TOMM40L: variants seen among roughly 807,000 people sequenced by gnomAD.
TOMM40L encodes the protein translocase of outer mitochondrial membrane 40 like, also known as mitochondrial import receptor subunit TOM40B.
TOMM40L carries 17 observed loss-of-function variants against 38.3 expected under a neutral mutation model. The observed-to-expected ratio is 0.44, with a 90% CI of 0.30 to 0.67. TOMM40L has a LOEUF of 0.67. Among genes scored for constraint, TOMM40L ranks in the 30% least tolerant of loss-of-function variants. TOMM40L has a pLI of 0.08. For synonymous variants in TOMM40L, 151 were observed against 150.2 expected (o/e 1.01, Z -0.04); for missense variants, 294 against 390.0 (o/e 0.75, Z 2.07).
chr1:161,229,917 A>G lies in TOMM40L; in HGVS notation c.*822A>G, dbSNP rs1295404457. The G allele has an allele frequency of 1.9e-6, 3 of 1,614,070 alleles. No individual in the cohort carries two copies. The highest frequency in any genetic ancestry group is 1.7e-5 in the Admixed American group (1 of 60,006). On this transcript the variant is annotated 3_prime_UTR_variant, in exon 10 of 10. Coordinates refer to ENST00000367988, the MANE Select transcript of TOMM40L (RefSeq NM_032174.6). The stretch of plus-strand genomic sequence containing the variant: ...CAGCCAGCAGGCCTAGCAACTTCGC[A>G]TACAGAAACCTTTGGAGGAAGTAGT...
At chr1:161,226,680 G>C in intron 2 of TOMM40L, 76 bp downstream of exon 2, 1 of 1,467,042 alleles carries the variant, frequency 6.8e-7, no homozygotes. Flanking sequence ...GATGTCCGGC[G>C]ATGGGAGCAG....
intron 2 of TOMM40L, 75 bp downstream of exon 2, chr1:161,226,679 C>A: frequency 6.8e-7 from 1 of 1,476,982 alleles, no homozygotes. Context: ...GGATGTCCGG[C>A]GATGGGAGCA....
Position 161,228,952 on chromosome 1 carries a change from A to G in TOMM40L, c.788-4A>G. 1.2e-6 allele frequency: 2 copies of G among 1,614,166 alleles called. No individual in the cohort carries two copies. Among genetic ancestry groups the G allele is most frequent in the East Asian group, 2.2e-5 (1 of 44,890 alleles). On this transcript the variant is annotated splice_region_variant and splice_polypyrimidine_tract_variant and intron_variant, in intron 9 of 9. Transcript: ENST00000367988. ...AATCTAGTGGGTATTCTCTCCCCCA[A>G]CAGGCTTGGTGGATAGTAACTGGTG...
intron 4 of TOMM40L, 44 bp downstream of exon 4, chr1:161,227,394 T>G (rs1455253935): frequency 4.4e-6 from 7 of 1,575,276 alleles, no homozygotes; most frequent in Admixed American, 3.4e-5. Context: ...AAAACCAATC[T>G]GGGACCCAGG....
intron 6 of TOMM40L, 93 bp from the exon 7 acceptor site, chr1:161,228,093 T>G: frequency 6.3e-7 from 1 of 1,588,008 alleles, no homozygotes. Context: ...AAGGAACTTC[T>G]TGGGCAGGCT....
intron 4 of TOMM40L, 56 bp downstream of exon 4, chr1:161,227,406 C>G: frequency 1.3e-6 from 2 of 1,528,304 alleles, no homozygotes; most frequent in Non-Finnish European, 1.8e-6. Flanking sequence ...GGACCCAGGT[C>G]TGGAGGAAGA....
Position 161,227,299 on chromosome 1 carries a change from A to G in TOMM40L, c.225A>G (p.Gly75=), listed in dbSNP as rs374893984. ...ACATGAGTGCCCTGGGCTTGCCGGG[A>G]TATCACCTCCATGCGGCCTATGCAG... The part of the protein sequence containing the change: ...TIHMSALGLP[G]YHLHAAYAGD... Residue 75 remains glycine, a synonymous_variant, in exon 4 of 10, where the codon GGA becomes GGG. Transcript: ENST00000367988. 6.2e-7 allele frequency: 1 copy of G among 1,614,136 alleles called. No individual in the cohort carries two copies. The highest frequency in any genetic ancestry group is 8.5e-7 in the Non-Finnish European group (1 of 1,180,036).
chr1:161,227,999 T>G lies in TOMM40L; in HGVS notation c.484+10T>G, dbSNP rs200764243. ...CTGATTGGGGAGTCGGGTGAGGAACTGGGACAGGGTTCTTTTTATCTTGGC... is the reference window on the plus strand; with the variant it reads ...CTGATTGGGGAGTCGGGTGAGGAACGGGGACAGGGTTCTTTTTATCTTGGC... On this transcript the variant is annotated intron_variant, in intron 6 of 9. Transcript: ENST00000367988. The G allele has an allele frequency of 1.8e-3, 2,955 of 1,613,424 alleles. 3 individuals carry two copies. Among genetic ancestry groups the G allele is most frequent in the Non-Finnish European group, 2.3e-3 (2,693 of 1,179,420 alleles).
chr1:161,230,550 C>T lies in TOMM40L; in HGVS notation c.*1455C>T. 3.5e-6 allele frequency: 2 copies of T among 574,994 alleles called. No homozygotes were observed. The highest frequency in any genetic ancestry group is 6.1e-6 in the Non-Finnish European group (2 of 326,146). The allele number at this position is 574,994 out of a possible 1,614,324, so 35.6% of individuals were successfully genotyped here. A position where few individuals can be genotyped will look rare whatever the true frequency, so the allele number is the denominator to read the frequency against. ...CATCAATCTCAGGAATGCTATTACCCAGAGCCTCTGAGCTACTACTTTGCA... is the reference window on the plus strand; with the variant it reads ...CATCAATCTCAGGAATGCTATTACCTAGAGCCTCTGAGCTACTACTTTGCA... On this transcript the variant is annotated 3_prime_UTR_variant, in exon 10 of 10. Coordinates refer to ENST00000367988, the MANE Select transcript of TOMM40L (RefSeq NM_032174.6).
Position 161,229,711 on chromosome 1 carries a change from C to T in TOMM40L, c.*616C>T, listed in dbSNP as rs2307416. ...TGCAACCACTGGGCTCCCTTTGAACCCGGCCCAATCTTTGGTCCCAGCATT... is the reference window on the plus strand; with the variant it reads ...TGCAACCACTGGGCTCCCTTTGAACTCGGCCCAATCTTTGGTCCCAGCATT... On this transcript the variant is annotated 3_prime_UTR_variant, in exon 10 of 10. Coordinates refer to ENST00000367988, the MANE Select transcript of TOMM40L (RefSeq NM_032174.6). The T allele has an allele frequency of 6.2e-7, 1 of 1,614,190 alleles. No individual in the cohort carries two copies. Among genetic ancestry groups the T allele is most frequent in the Non-Finnish European group, 8.5e-7 (1 of 1,180,020 alleles).
At position 161,226,837 on chromosome 1, in the gene TOMM40L, G is replaced by A. The variant is rs762206608; in HGVS notation, c.116-51G>A. 3.1e-6 allele frequency: 5 copies of A among 1,595,304 alleles called. No homozygotes were observed. The East Asian group carries it at 1.1e-4, about 36-fold the overall frequency. On this transcript the variant is annotated intron_variant, in intron 2 of 9. Coordinates refer to ENST00000367988, the MANE Select transcript of TOMM40L (RefSeq NM_032174.6). ...TTGAAAGGGGAGACTATCTTTTGGG[G>A]TAGGGGTTCTTTGTCTGTGCTTATT...
At position 161,227,329 on chromosome 1, in the gene TOMM40L, T is replaced by A; in HGVS notation, c.255T>A (p.Asp85Glu). The A allele has an allele frequency of 6.2e-7, 1 of 1,614,070 alleles. No individual in the cohort carries two copies. The highest frequency in any genetic ancestry group is 8.5e-7 in the Non-Finnish European group (1 of 1,180,012). Residue 85 changes from aspartate to glutamate, a missense_variant, in exon 4 of 10, where the codon GAT becomes GAA. Physicochemically the swap from Asp to Glu is conservative, Grantham distance 45. Coordinates refer to ENST00000367988, the MANE Select transcript of TOMM40L (RefSeq NM_032174.6). ...ACCTCCATGCGGCCTATGCAGGGGA[T>A]TGGCAGCTCAGTCCCACTGAGGTGA... ...GYHLHAAYAG[D>E]WQLSPTEVFP...
rs756304664 is a variant in TOMM40L, at chr1:161,229,865, C to T, written c.*770C>T. The T allele has an allele frequency of 3.7e-6, 6 of 1,614,150 alleles. No homozygotes were observed. Among genetic ancestry groups the T allele is most frequent in the Admixed American group, 1.7e-5 (1 of 60,006 alleles). On this transcript the variant is annotated 3_prime_UTR_variant, in exon 10 of 10. Transcript: ENST00000367988. ...CCCTGGATGTGCTGGATTTGGTACC[C>T]GTAGGCCTCATTAATGCTCCGGAGC...
chr1:161,226,889 T>C lies in TOMM40L; in HGVS notation c.117T>C (p.Asp39=). 1 of 1,614,170 alleles carries C rather than the reference T, an allele frequency of 6.2e-7. No homozygotes were observed. The highest frequency in any genetic ancestry group is 8.5e-7 in the Non-Finnish European group (1 of 1,180,010). Residue 39 remains aspartate (D), a splice_region_variant and synonymous_variant, in exon 3 of 10, where the codon GAT becomes GAC. Coordinates refer to ENST00000367988, the MANE Select transcript of TOMM40L (RefSeq NM_032174.6). The stretch of plus-strand genomic sequence containing the variant: ...CTTCCCTTCCCCTACCCCCTTCAGA[T>C]GTATTCCCAGCACAGATGGAGGGAG... ...SFDELHRLCK[D]VFPAQMEGVK...
rs773643684 is a variant in TOMM40L at position 161,226,974 on chromosome 1, C to T, written c.183+19C>T. 6 of 1,613,752 alleles carry T rather than the reference C, an allele frequency of 3.7e-6. No individual in the cohort carries two copies. The highest frequency in any genetic ancestry group is 5.1e-6 in the Non-Finnish European group (6 of 1,179,782). On this transcript the variant is annotated intron_variant, in intron 3 of 9. Coordinates refer to ENST00000367988, the MANE Select transcript of TOMM40L (RefSeq NM_032174.6). Reference sequence around the variant, plus strand: ...TTTCCAGGTGCTCCCACTTCTCTGGCCCCTCCTTACTATTCCCCCTTTCCT... The same window carrying T: ...TTTCCAGGTGCTCCCACTTCTCTGGTCCCTCCTTACTATTCCCCCTTTCCT...
Position 161,227,311 on chromosome 1 carries a change from T to C in TOMM40L, c.237T>C (p.His79=), listed in dbSNP as rs147823069. The change falls in exon 4 of 10, where the codon CAT becomes CAC. Residue 79 remains histidine (H), a synonymous_variant. Coordinates refer to ENST00000367988, the MANE Select transcript of TOMM40L (RefSeq NM_032174.6). ...TGGGCTTGCCGGGATATCACCTCCATGCGGCCTATGCAGGGGATTGGCAGC... is the reference window on the plus strand; with the variant it reads ...TGGGCTTGCCGGGATATCACCTCCACGCGGCCTATGCAGGGGATTGGCAGC... The part of the protein sequence containing the change: ...SALGLPGYHL[H]AAYAGDWQLS... 6.2e-7 allele frequency: 1 copy of C among 1,614,070 alleles called. No individual in the cohort carries two copies. The highest frequency in any genetic ancestry group is 1.3e-5 in the African/African-American group (1 of 74,914).
intron 7 of TOMM40L, 59 bp from the exon 8 acceptor site, chr1:161,228,369 C>T (rs983241571): frequency 9.9e-6 from 16 of 1,612,806 alleles, no homozygotes; most frequent in Middle Eastern, 3.3e-4. Flanking sequence ...TTCTGGGGTT[C>T]CTGGCCTGTG....
In TOMM40L at chr1:161,229,678, T is replaced by G. The variant is rs1666645641; in HGVS notation, c.*583T>G. On this transcript the variant is annotated 3_prime_UTR_variant, in exon 10 of 10. Coordinates refer to ENST00000367988, the MANE Select transcript of TOMM40L (RefSeq NM_032174.6). ...CATGAAGAGGCAGTTATTGCTTTAG[T>G]CTTTCATTGCAACCACTGGGCTCCC... The G allele has an allele frequency of 2.5e-6, 4 of 1,613,874 alleles. No homozygotes were observed. Among genetic ancestry groups the G allele is most frequent in the Non-Finnish European group, 3.4e-6 (4 of 1,179,944 alleles).
Position 161,229,750 on chromosome 1 carries a change from G to A in TOMM40L, c.*655G>A, listed in dbSNP as rs1050782057. ...GGTCCCAGCATTTTCCCACTCCAGT[G>A]TATCCAGGGTGTTCCAGGTGAGCTG... On this transcript the variant is annotated 3_prime_UTR_variant, in exon 10 of 10. Coordinates refer to ENST00000367988, the MANE Select transcript of TOMM40L (RefSeq NM_032174.6). 1 of 1,614,130 alleles carries A rather than the reference G, an allele frequency of 6.2e-7. No homozygotes were observed. Among genetic ancestry groups the A allele is most frequent in the African/African-American group, 1.3e-5 (1 of 74,942 alleles).
Sources: gnomAD v4.1 joint callset for allele counts on GRCh38, gnomAD v4.1.1 for gene constraint, MANE v1.5 for transcripts, NCBI Gene and HGNC (gene_info 2026-07-23, HGNC 2026-07-21) for gene names.